The following MTTP variants were observed in gnomAD, a reference collection of about 807,000 sequenced individuals.
MTTP encodes the protein microsomal triglyceride transfer protein.
A neutral mutation model predicts 90.6 loss-of-function variants in MTTP; 49 were observed. The ratio of observed to expected loss-of-function variants is 0.54; its 90% CI spans 0.43 to 0.69. The LOEUF is 0.69. Ranked by LOEUF, MTTP falls within the 30% of genes least tolerant of loss-of-function variation. The probability of loss-of-function intolerance (pLI) is 0.00; values close to 1 mark genes in which losing one functional copy is unlikely to be tolerated. For missense variants in MTTP, 945 were observed against 1,067.5 expected (o/e 0.89, Z 1.60); for synonymous variants, 347 against 384.2 (o/e 0.90, Z 1.13).
intron 7 of MTTP, among the ~76,000 whole-genome samples, chr4:99,596,330 A>T (rs1055608410): frequency 6.6e-6 from 1 of 152,210 alleles, no homozygotes; most frequent in Non-Finnish European, 1.5e-5. Flanking sequence ...ATGAAAAATA[A>T]GTTCTTCAGT....
chr4:99,617,355 G>A (rs542281909), intron 15 of MTTP, among the ~76,000 whole-genome samples: 11 of 152,206 alleles, frequency 7.2e-5, no homozygotes, highest in Admixed American at 4.6e-4. Context: ...GCTTCATGCC[G>A]CAACCGTACT....
intron 16 of MTTP, 118 bp from the exon 17 acceptor site, chr4:99,620,943 A>T: frequency 1.0e-6 from 1 of 957,264 alleles, no homozygotes; most frequent in Non-Finnish European, 1.6e-6. Context: ...TGAATCCCTT[A>T]AGTGTTTCCT....
chr4:99,570,427 C>G (rs1264485348), upstream of MTTP, among the ~76,000 whole-genome samples: 1 of 151,836 alleles, frequency 6.6e-6, no homozygotes, highest in Non-Finnish European at 1.5e-5. Context: ...TATCTAGTTC[C>G]TTTAAATATC....
intron 1 of MTTP, among the ~76,000 whole-genome samples, chr4:99,577,494 ACTCAG>A (rs1724993271): frequency 6.6e-6 from 1 of 151,644 alleles, no homozygotes; most frequent in Non-Finnish European, 1.5e-5. Flanking sequence ...AATCCCAGCT[ACTCAG>A]GAGGCTGAGG....
intron 11 of MTTP, 62 bp downstream of exon 11, chr4:99,607,022 G>C: frequency 7.0e-7 from 1 of 1,426,286 alleles, no homozygotes; most frequent in South Asian, 1.2e-5. Context: ...TGCTGAACAT[G>C]AGTCAAATGC....
chr4:99,622,898 A>G lies in MTTP; in HGVS notation c.*50A>G, dbSNP rs758471733. On this transcript the variant is annotated 3_prime_UTR_variant, in exon 18 of 18. Transcript: ENST00000265517. ...AATTTGTCTCCCCGAAAGGGACACA[A>G]TGTGGCATGACTAAGTACTTGCTCT... 1 of 1,566,036 alleles carries G rather than the reference A, an allele frequency of 6.4e-7. No individual in the cohort carries two copies. Among genetic ancestry groups the G allele is most frequent in the South Asian group, 1.1e-5 (1 of 90,078 alleles).
intron 12 of MTTP, among the ~76,000 whole-genome samples, chr4:99,609,760 G>A (rs1725906142): frequency 6.6e-6 from 1 of 152,122 alleles, no homozygotes; most frequent in Admixed American, 6.5e-5. Context: ...ATAAGAAACG[G>A]GTGTGAGTAG....
At chr4:99,598,339 A>G (rs1033654710) in intron 8 of MTTP, among the ~76,000 whole-genome samples, 5 of 152,262 alleles carry the variant, frequency 3.3e-5, no homozygotes, top group Middle Eastern at 3.4e-3. Context: ...ACCACTCTCA[A>G]AGTACATAGG....
intron 3 of MTTP, among the ~76,000 whole-genome samples, chr4:99,588,376 G>A (rs1419408230): frequency 6.6e-6 from 1 of 152,040 alleles, no homozygotes; most frequent in Non-Finnish European, 1.5e-5. Flanking sequence ...TTTCTAAATT[G>A]TGTGATGCAT....
chr4:99,600,474 C>A (rs1725667225), intron 8 of MTTP, 91 bp from the exon 9 acceptor site: 1 of 1,337,240 alleles, frequency 7.5e-7, no homozygotes. Context: ...CTTGAGAAAA[C>A]TCAAACCAAT....
At chr4:99,565,707 C>G (rs946245935) in intron 1 of MTTP, among the ~76,000 whole-genome samples, 1 of 152,160 alleles carries the variant, frequency 6.6e-6, no homozygotes, top group Non-Finnish European at 1.5e-5. Context: ...TTGAAAGAAG[C>G]AACTAAATGC....
At position 99,600,301 on chromosome 4, in the gene MTTP, G is replaced by A. The variant is rs140017254; in HGVS notation, c.1068-264G>A. Among the ~76,000 whole-genome samples, 954 of 151,964 alleles carry A rather than the reference G, an allele frequency of 6.3e-3. 10 individuals carry two copies. The highest frequency in any genetic ancestry group is 0.02 in the African/African-American group (833 of 41,474). On this transcript the variant is annotated intron_variant, in intron 8 of 17. Transcript: ENST00000265517. ...CTTACAAATCGCCAAATTATACTTG[G>A]CTTAGGTTAATATAGTAAAATTAGT... is the stretch of plus-strand genomic sequence containing the variant.
chr4:99,568,097 A>G (rs1288688926), intron 1 of MTTP, among the ~76,000 whole-genome samples: 2 of 152,138 alleles, frequency 1.3e-5, no homozygotes, highest in South Asian at 2.1e-4. Context: ...TTGAAGATGA[A>G]TAAAAGAACT....
chr4:99,588,788 CAT>C (rs10598154), intron 3 of MTTP, among the ~76,000 whole-genome samples: 23 of 34,236 alleles, frequency 6.7e-4, no homozygotes, highest in East Asian at 2.2e-3. Context: ...TATATACACA[CAT>C]ATATATATGT....
At chr4:99,566,267 T>C (rs936198820) in intron 1 of MTTP, among the ~76,000 whole-genome samples, 5 of 129,144 alleles carry the variant, frequency 3.9e-5, no homozygotes, top group African/African-American at 1.5e-4. Flanking sequence ...CCAGCCTGGG[T>C]GACAGAGTGA....
intron 7 of MTTP, 87 bp downstream of exon 7, chr4:99,594,970 A>G: frequency 6.6e-7 from 1 of 1,517,746 alleles, no homozygotes; most frequent in Non-Finnish European, 9.1e-7. Context: ...CATTCAATGA[A>G]GACAGTTTCT....
rs563138284 is a variant in MTTP at position 99,580,574 on chromosome 4, C to CAAAAAAAAAAAAAAAAAAAAAAAA, written c.62-1328_62-1305dup. Among the ~76,000 whole-genome samples the CAAAAAAAAAAAAAAAAAAAAAAAA allele has an allele frequency of 1.8e-3, 73 of 39,894 alleles. 2 individuals carry two copies. The highest frequency in any genetic ancestry group is 2.1e-3 in the Non-Finnish European group (44 of 20,592). The allele number at this position is 39,894 out of a possible 152,430, so 26.2% of individuals were successfully genotyped here. ...TGGCCGACAGAGTGAGACTCTGTCT[C>CAAAAAAAAAAAAAAAAAAAAAAAA]AAAAAAAAAAAAAAAAAAAAAAAAA... On this transcript the variant is annotated intron_variant, in intron 1 of 17. Coordinates refer to ENST00000265517, the MANE Select transcript of MTTP (RefSeq NM_001386140.1).
chr4:99,568,414 A>T (rs1724757068), intron 1 of MTTP, among the ~76,000 whole-genome samples: 1 of 152,196 alleles, frequency 6.6e-6, no homozygotes, highest in African/African-American at 2.4e-5. Context: ...CTCCAAAATG[A>T]AATAGGTATA....
intron 9 of MTTP, among the ~76,000 whole-genome samples, chr4:99,601,183 C>A (rs959781965): frequency 4.6e-5 from 7 of 152,076 alleles, no homozygotes; most frequent in Non-Finnish European, 1.0e-4. Context: ...AGAATGTTAT[C>A]TATTTAATTG....
Sources: gnomAD v4.1 joint callset for allele counts (sites outside exome capture counted in the v4.1 genomes callset) on GRCh38, gnomAD v4.1.1 for gene constraint, MANE v1.5 for transcripts, NCBI Gene and HGNC (gene_info 2026-07-23, HGNC 2026-07-21) for gene names.